The following DLC1 variants were observed in gnomAD, a reference collection of about 807,000 sequenced individuals.
DLC1 encodes rho GTPase-activating protein 7.
A neutral mutation model predicts 140.3 loss-of-function variants in DLC1; 54 were observed. The ratio of observed to expected loss-of-function variants is 0.38; its 90% confidence interval spans 0.31 to 0.48. DLC1 has a LOEUF of 0.48. Ranked by LOEUF, DLC1 falls within the 20% of genes least tolerant of loss-of-function variation. The pLI, the probability that DLC1 is intolerant of heterozygous loss-of-function variation, is 0.96. For missense variants in DLC1, 2,536 were observed against 1,907.0 expected (o/e 1.33, Z -6.14); for synonymous variants, 986 against 728.1 (o/e 1.35, Z -5.70).
At chr8:13,529,034 G>T (rs1803009581) in intron 1 of DLC1, among the ~76,000 whole-genome samples, 1 of 152,164 alleles carries the variant, frequency 6.6e-6, no homozygotes, top group African/African-American at 2.4e-5. Context: ...GACGAGGGAA[G>T]TAACAACAGT....
At chr8:13,135,733 G>C (rs577739580) in intron 5 of DLC1, among the ~76,000 whole-genome samples, 121 of 152,154 alleles carry the variant, frequency 8.0e-4, no homozygotes, top group African/African-American at 2.5e-3. Context: ...AATTTAATTA[G>C]GTTCCCAGGA....
rs1799031765 is a variant in DLC1 at position 13,451,082 on chromosome 8, AG to A, written c.1023+47966del. The stretch of plus-strand genomic sequence containing the variant: ...AAAAAAAAAAAAGAAAAAAAGAAAA[AG>A]GATAGATATAGGTCAAATTTTCTTA... On this transcript the variant is annotated intron_variant, in intron 2 of 17. Transcript: ENST00000276297. 2.0e-5 allele frequency among the ~76,000 whole-genome samples: 3 copies of A among 150,082 alleles called. No individual in the cohort carries two copies. The South Asian group carries it at 6.3e-4, about 32-fold the overall frequency.
intron 5 of DLC1, among the ~76,000 whole-genome samples, chr8:13,144,645 G>C (rs200551575): frequency 6.6e-6 from 1 of 152,122 alleles, no homozygotes; most frequent in Admixed American, 6.5e-5. Flanking sequence ...GGTGCCTGTA[G>C]TCCCAGCTAC....
intron 6 of DLC1, among the ~76,000 whole-genome samples, chr8:13,114,798 C>G (rs536147): frequency 0.81 from 123,610 of 152,170 alleles, 50,377 homozygotes; most frequent in East Asian, 0.96. Flanking sequence ...GTCAAAATCT[C>G]TATATCATTT....
intron 1 of DLC1, among the ~76,000 whole-genome samples, chr8:13,563,377 C>T (rs1947901): frequency 0.16 from 25,064 of 151,998 alleles, 2,396 homozygotes; most frequent in East Asian, 0.32. Flanking sequence ...AGATATAAAA[C>T]AAAGTATTTA....
chr8:13,299,768 A>G (rs2117497702), intron 5 of DLC1, among the ~76,000 whole-genome samples: 1 of 152,324 alleles, frequency 6.6e-6, no homozygotes, highest in South Asian at 2.1e-4. Flanking sequence ...GGGAAACCCC[A>G]GGGCCAGAGG....
intron 2 of DLC1, among the ~76,000 whole-genome samples, chr8:13,482,266 G>C (rs1800771450): frequency 6.6e-6 from 1 of 152,122 alleles, no homozygotes; most frequent in Admixed American, 6.5e-5. Context: ...ATAAATGGAA[G>C]CATGTATTTC....
intron 5 of DLC1, among the ~76,000 whole-genome samples, chr8:13,155,397 C>G (rs1225296481): frequency 6.6e-6 from 1 of 151,614 alleles, no homozygotes; most frequent in East Asian, 1.9e-4. Context: ...CATTAACATT[C>G]TTAGTTTTAG....
At chr8:13,551,069 C>CAA (rs1803829646) in intron 1 of DLC1, among the ~76,000 whole-genome samples, 1 of 44,896 alleles carries the variant, frequency 2.2e-5, no homozygotes, top group Non-Finnish European at 5.8e-5. Flanking sequence ...CACACACACA[C>CAA]ACACACTTTT....
At position 13,131,658 on chromosome 8, in the gene DLC1, C is replaced by T. The variant is rs1218654362; in HGVS notation, c.1349-16001G>A. 4.6e-5 allele frequency among the ~76,000 whole-genome samples: 7 copies of T among 152,298 alleles called. No individual in the cohort carries two copies. The East Asian group carries it at 9.7e-4, about 21-fold the overall frequency. The stretch of plus-strand genomic sequence containing the variant: ...TAGCACACACTGGGTATTTATTGAA[C>T]ATCGGGAACAGGCAACCTGCTAATC... On this transcript the variant is annotated intron_variant, in intron 5 of 17. Transcript: ENST00000276297.
intron 1 of DLC1, among the ~76,000 whole-genome samples, chr8:13,507,378 G>C (rs909841555): frequency 2.6e-5 from 4 of 152,112 alleles, no homozygotes; most frequent in African/African-American, 7.2e-5. Context: ...TTTCTAAAAA[G>C]CATTTCTATG....
chr8:13,166,772 C>T (rs75359508), intron 5 of DLC1, among the ~76,000 whole-genome samples: 5,036 of 152,158 alleles, frequency 0.033, 279 homozygotes, highest in African/African-American at 0.12. Flanking sequence ...TATTTGAAAT[C>T]GTTTAATAAT....
At chr8:13,477,138 C>T (rs1284480284) in intron 2 of DLC1, among the ~76,000 whole-genome samples, 1 of 152,134 alleles carries the variant, frequency 6.6e-6, no homozygotes, top group Non-Finnish European at 1.5e-5. Flanking sequence ...GCAGAGGAAG[C>T]ACATGCTCTC....
At chr8:13,217,115 G>C (rs991238137) in intron 5 of DLC1, among the ~76,000 whole-genome samples, 4 of 152,226 alleles carry the variant, frequency 2.6e-5, no homozygotes, top group South Asian at 2.1e-4. Flanking sequence ...GTACAGTACA[G>C]TAAATAAAAA....
intron 5 of DLC1, among the ~76,000 whole-genome samples, chr8:13,235,330 C>A (rs1335613191): frequency 2.0e-5 from 3 of 151,998 alleles, no homozygotes; most frequent in African/African-American, 7.2e-5. Flanking sequence ...CAACTAAAAG[C>A]TGTGTTTAAA....
At chr8:13,424,109 A>T (rs1239200039) in intron 2 of DLC1, among the ~76,000 whole-genome samples, 2 of 152,214 alleles carry the variant, frequency 1.3e-5, no homozygotes, top group African/African-American at 4.8e-5. Flanking sequence ...AAACACAGCA[A>T]CAGTGTTCTG....
At chr8:13,489,790 G>C (rs1409189879) in intron 2 of DLC1, among the ~76,000 whole-genome samples, 2 of 152,230 alleles carry the variant, frequency 1.3e-5, no homozygotes, top group East Asian at 3.9e-4. Context: ...AGCTACTTAT[G>C]CTGGCTGCTT....
chr8:13,381,873 A>T (rs1836277687), intron 4 of DLC1, among the ~76,000 whole-genome samples: 1 of 152,126 alleles, frequency 6.6e-6, no homozygotes, highest in South Asian at 2.1e-4. Context: ...GCACCATAAC[A>T]AAAAAACTAA....
intron 5 of DLC1, among the ~76,000 whole-genome samples, chr8:13,159,857 GAAA>G (rs556824574): frequency 1.7e-5 from 2 of 120,778 alleles, no homozygotes; most frequent in Non-Finnish European, 1.7e-5. Context: ...AACCTGGTTT[GAAA>G]AAAAAAAAAA....
Sources: gnomAD v4.1 joint callset for allele counts (sites outside exome capture counted in the v4.1 genomes callset) on GRCh38, gnomAD v4.1.1 for gene constraint, MANE v1.5 for transcripts, NCBI Gene and HGNC (gene_info 2026-07-23, HGNC 2026-07-21) for gene names.